TRPM2: variants seen among roughly 807,000 people sequenced by gnomAD.
TRPM2 encodes transient receptor potential cation channel subfamily M member 2, also known as estrogen-responsive element-associated gene 1 protein.
In TRPM2, 161 loss-of-function variants were observed where a neutral mutation model predicts 174.0. The observed-to-expected ratio is 0.93, with a 90% CI of 0.81 to 1.05. The LOEUF is 1.05. TRPM2 is among the 50% of genes least tolerant of loss of function. TRPM2 has a pLI of 0.00. For missense variants in TRPM2, 2,057 were observed against 2,038.0 expected (o/e 1.01, Z -0.18); for synonymous variants, 954 against 861.3 (o/e 1.11, Z -1.88).
At chr21:44,359,106 A>G (rs1371157520) in intron 2 of TRPM2, among the ~76,000 whole-genome samples, 1 of 152,016 alleles carries the variant, frequency 6.6e-6, no homozygotes. Context: ...CAGTGTGCTG[A>G]TTGGTCCATT....
intron 7 of TRPM2, 131 bp downstream of exon 7, chr21:44,377,904 A>T (rs2146200075): frequency 9.3e-7 from 1 of 1,079,330 alleles, no homozygotes; most frequent in South Asian, 1.5e-5. Flanking sequence ...CCAGAAGAAG[A>T]GAAAGAGCAT....
intron 4 of TRPM2, 51 bp from the exon 5 acceptor site, chr21:44,369,126 T>G: frequency 7.8e-7 from 1 of 1,274,798 alleles, no homozygotes; most frequent in Non-Finnish European, 1.0e-6. Flanking sequence ...CTCCTGGGTG[T>G]CAGGTGCCCC....
intron 18 of TRPM2, among the ~76,000 whole-genome samples, chr21:44,406,387 C>T (rs1197651217): frequency 3.3e-5 from 5 of 152,078 alleles, no homozygotes; most frequent in South Asian, 4.1e-4. Flanking sequence ...TATGTCTGAC[C>T]CCTCTTGCAC....
At chr21:44,373,600 C>T (rs564392053) in intron 5 of TRPM2, among the ~76,000 whole-genome samples, 30 of 114,750 alleles carry the variant, frequency 2.6e-4, no homozygotes, top group African/African-American at 7.9e-4. Flanking sequence ...GCATTATATG[C>T]GACCTGCATT....
chr21:44,441,857 C>T lies in TRPM2; in HGVS notation c.*40C>T, dbSNP rs199623936. The T allele has an allele frequency of 1.1e-3, 1,723 of 1,549,968 alleles. 3 individuals are homozygous for T. The highest frequency in any genetic ancestry group is 7.2e-3 in the Middle Eastern group (42 of 5,826). Reference sequence around the variant, plus strand: ...TGGGCGGCTCCAGTCCATAGACGTTCCCCCCAGAAACCAGGGCTTCTCTCT... The same window carrying T: ...TGGGCGGCTCCAGTCCATAGACGTTTCCCCCAGAAACCAGGGCTTCTCTCT... On this transcript the variant is annotated 3_prime_UTR_variant, in exon 32 of 32. Transcript: ENST00000397928.
chr21:44,392,770 G>A (rs890089679), intron 11 of TRPM2, among the ~76,000 whole-genome samples: 1 of 152,088 alleles, frequency 6.6e-6, no homozygotes, highest in African/African-American at 2.4e-5. Flanking sequence ...AGTACAAAAG[G>A]TTCTGCAGGG....
chr21:44,401,196 C>T (rs538125353), intron 15 of TRPM2, among the ~76,000 whole-genome samples: 64 of 152,272 alleles, frequency 4.2e-4, no homozygotes, highest in African/African-American at 1.5e-3. Flanking sequence ...TCCAGCGGCC[C>T]GGGGATAGGG....
intron 9 of TRPM2, among the ~76,000 whole-genome samples, chr21:44,386,501 A>G (rs1367238395): frequency 6.6e-6 from 1 of 152,220 alleles, no homozygotes; most frequent in Non-Finnish European, 1.5e-5. Flanking sequence ...CAGTAGCATC[A>G]AAAAGAAAAA....
chr21:44,369,239 C>T lies in TRPM2; in HGVS notation c.667C>T (p.Arg223Trp). Residue 223 changes from arginine (R) to tryptophan (W), a missense_variant, in exon 5 of 32, where the codon CGG (arginine) becomes TGG (tryptophan). By Grantham distance (101) the Arg-to-Trp change is moderately radical (BLOSUM62 -3). Coordinates refer to ENST00000397928, the MANE Select transcript of TRPM2 (RefSeq NM_003307.4). ...GVMKQVGEAV[R>W]DFSLSSSYKE... is the part of the protein sequence containing the mutation. ...CATGAAGCAGGTAGGCGAGGCGGTGCGGGACTTCAGCCTGAGCAGCAGCTA... is the reference window on the plus strand; with the variant it reads ...CATGAAGCAGGTAGGCGAGGCGGTGTGGGACTTCAGCCTGAGCAGCAGCTA... 2 of 1,613,606 alleles carry T rather than the reference C, an allele frequency of 1.2e-6. No homozygotes were observed. The highest frequency in any genetic ancestry group is 1.1e-5 in the South Asian group (1 of 91,066).
In TRPM2 at chr21:44,392,945, G is replaced by A. The variant is rs140661111; in HGVS notation, c.1794+1320G>A. Among the ~76,000 whole-genome samples, 614 of 152,220 alleles carry A rather than the reference G, an allele frequency of 4.0e-3. 3 individuals are homozygous for A. The highest frequency in any genetic ancestry group is 0.014 in the African/African-American group (593 of 41,540). On this transcript the variant is annotated intron_variant, in intron 11 of 31. Transcript: ENST00000397928. ...GTCTGCACCCTGTGATTCAATGGGA[G>A]CCCTGCTCTAGTCTCACCTTTATTT...
At chr21:44,369,476 C>A in intron 5 of TRPM2, 133 bp downstream of exon 5, 2 of 1,037,106 alleles carry the variant, frequency 1.9e-6, no homozygotes, top group Non-Finnish European at 2.6e-6. Context: ...CTGTGGGGAG[C>A]AGGCGGAGTG....
chr21:44,438,476 C>T lies in TRPM2; in HGVS notation c.4168-591C>T, dbSNP rs1358436781. On this transcript the variant is annotated intron_variant, in intron 29 of 31. Coordinates refer to ENST00000397928, the MANE Select transcript of TRPM2 (RefSeq NM_003307.4). This position sits in a 1 kb window ranked among gnomAD's most constrained non-coding sequence, Gnocchi z 5.9. ...TGGGGCTGAGGTGGGACCGTCTTGA[C>T]GTGGCCTGCAAAGTCTTCATGAGAA... Among the ~76,000 whole-genome samples, 2 of 152,126 alleles carry T rather than the reference C, an allele frequency of 1.3e-5. No homozygotes were observed. The highest frequency in any genetic ancestry group is 2.9e-5 in the Non-Finnish European group (2 of 68,024).
chr21:44,374,926 A>G (rs1339950159), intron 5 of TRPM2, among the ~76,000 whole-genome samples: 1 of 151,734 alleles, frequency 6.6e-6, no homozygotes, highest in African/African-American at 2.4e-5. Flanking sequence ...CCTTACTGCG[A>G]GTTGTTTTTT....
Position 44,367,015 on chromosome 21 carries a change from C to A in TRPM2, c.604+81C>A. 6.8e-7 allele frequency: 1 copy of A among 1,462,020 alleles called. No homozygotes were observed. The highest frequency in any genetic ancestry group is 9.1e-7 in the Non-Finnish European group (1 of 1,103,394). The allele number at this position is 1,462,020 out of a possible 1,614,324, so 90.6% of individuals were successfully genotyped here. A position where few individuals can be genotyped will look rare whatever the true frequency, so the allele number is the denominator to read the frequency against. On this transcript the variant is annotated intron_variant, in intron 4 of 31. Transcript: ENST00000397928. The surrounding 1 kb of genome is among the most constrained non-coding windows in gnomAD (Gnocchi z 4.6). ...GCAGTGCTGGGGCAATCAGGGCCAT[C>A]AGGACCCAAAAAGTCCCTGGGAGCC...
At chr21:44,434,316 C>T (rs889712276) in intron 27 of TRPM2, among the ~76,000 whole-genome samples, 10 of 147,098 alleles carry the variant, frequency 6.8e-5, no homozygotes, top group South Asian at 2.2e-4. Flanking sequence ...GAGACTGTGG[C>T]GAGGACTGTG....
intron 9 of TRPM2, among the ~76,000 whole-genome samples, chr21:44,389,129 C>G (rs2049099718): frequency 6.6e-6 from 1 of 152,170 alleles, no homozygotes; most frequent in Admixed American, 6.5e-5. Flanking sequence ...TTCTGTCACT[C>G]TAGATTAGTT....
chr21:44,424,977 G>C (rs200577825), intron 24 of TRPM2, 38 bp downstream of exon 24: 19 of 1,549,718 alleles, frequency 1.2e-5, no homozygotes, highest in Admixed American at 1.9e-5. Context: ...GTCTCCAGCC[G>C]CCTGTTTCTT....
In TRPM2 at chr21:44,413,985, C is replaced by T. The variant is rs1379671479; in HGVS notation, c.3057C>T (p.Ala1019=). 1 of 1,613,864 alleles carries T rather than the reference C, an allele frequency of 6.2e-7. No homozygotes were observed. Among genetic ancestry groups the T allele is most frequent in the African/African-American group, 1.3e-5 (1 of 74,946 alleles). The change falls in exon 20 of 32, where the codon GCC becomes GCT. Residue 1019 remains alanine (A), a synonymous_variant. Transcript: ENST00000397928. ...GCGACGCGACGCAGCAGAGGCCGGC[C>T]TTCCCTGAGTGGCTGACGGTCCTCC... ...PESDATQQRP[A]FPEWLTVLLL...
chr21:44,377,083 A>G (rs939151090), intron 6 of TRPM2, among the ~76,000 whole-genome samples: 3 of 152,184 alleles, frequency 2.0e-5, no homozygotes, highest in Admixed American at 6.5e-5. Context: ...CAGGGACCAC[A>G]CTTTGAGAAC....
Sources: allele counts gnomAD v4.1 joint callset (sites outside exome capture counted in the v4.1 genomes callset), GRCh38; gene constraint gnomAD v4.1.1; non-coding constraint Gnocchi (gnomAD v3.1); transcripts MANE v1.5; gene names NCBI Gene and HGNC (gene_info 2026-07-23, HGNC 2026-07-21).